Variants in LMAN1L observed in about 807,000 individuals in gnomAD.
The protein encoded by LMAN1L is lectin, mannose binding 1 like, also known as protein ERGIC-53-like.
LMAN1L carries 60 observed loss-of-function variants against 58.3 expected under a neutral mutation model. The observed-to-expected ratio is 1.03, with a 90% CI of 0.84 to 1.27. The LOEUF (loss-of-function observed/expected upper bound fraction) is 1.27, where lower values mean the gene tolerates loss of function less well. Among genes scored for constraint, LMAN1L ranks in the 50% most tolerant of loss-of-function variants. The pLI is 0.00. For missense variants in LMAN1L, 629 were observed against 674.0 expected, an observed-to-expected ratio of 0.93 and a Z score of 0.74; for synonymous variants, 280 against 271.6, an observed-to-expected ratio of 1.03 and a Z score of -0.31.
At chr15:74,816,084 C>T (rs938165423) in intron 1 of LMAN1L, 73 bp from the exon 2 acceptor site, 5 of 1,486,842 alleles carry the variant, frequency 3.4e-6, no homozygotes, top group Non-Finnish European at 4.5e-6. Context: ...GAGCCCAGCC[C>T]GGGCCAAGTG....
At chr15:74,824,577 G>A in intron 13 of LMAN1L, 99 bp downstream of exon 13, 1 of 1,387,678 alleles carries the variant, frequency 7.2e-7, no homozygotes, top group Admixed American at 1.8e-5. Flanking sequence ...CAGCTCAGAG[G>A]GGACCTGCCG....
chr15:74,816,969 G>T (rs1229102055), intron 4 of LMAN1L, among the ~76,000 whole-genome samples: 1 of 152,170 alleles, frequency 6.6e-6, no homozygotes, highest in Non-Finnish European at 1.5e-5. Flanking sequence ...TAAGTGGGGG[G>T]TTATTCGTCC....
rs779561109 is a variant in LMAN1L, at chr15:74,820,777, G to A, written c.907+10G>A. On this transcript the variant is annotated intron_variant, in intron 8 of 13. Coordinates refer to ENST00000309664, the MANE Select transcript of LMAN1L (RefSeq NM_021819.3). Reference sequence around the variant, plus strand: ...GAAGCTCAAGGAGAAGGTAGGGACCGAGAGAGCGGGCAGGTGGCGCCCATC... The same window carrying A: ...GAAGCTCAAGGAGAAGGTAGGGACCAAGAGAGCGGGCAGGTGGCGCCCATC... 3.0e-5 allele frequency: 48 copies of A among 1,606,592 alleles called. 1 individual carries two copies. The highest frequency in any genetic ancestry group is 1.7e-4 in the Middle Eastern group (1 of 6,044).
At chr15:74,815,473 C>T (rs2063886427) in intron 1 of LMAN1L, among the ~76,000 whole-genome samples, 3 of 152,176 alleles carry the variant, frequency 2.0e-5, no homozygotes, top group African/African-American at 7.2e-5. Flanking sequence ...GGGCTCCTTC[C>T]TCCCCGCCCC....
rs1449275492 is a variant in LMAN1L at position 74,821,167 on chromosome 15, G to T, written c.1000G>T (p.Glu334Ter). The T allele has an allele frequency of 1.3e-6, 2 of 1,552,724 alleles. No individual in the cohort carries two copies. The highest frequency in any genetic ancestry group is 2.0e-5 in the Admixed American group (1 of 51,142). Reference sequence around the variant, plus strand: ...TCTCTCCAAGCAGCTGGCCCAGGCTGAGAGACAATGGAAGAAGCAGCTGGG... The same window carrying T: ...TCTCTCCAAGCAGCTGGCCCAGGCTTAGAGACAATGGAAGAAGCAGCTGGG... ...RGLSKQLAQA[E>*]RQWKKQLGPP... The change falls in exon 9 of 14, where the codon GAG (glutamate) becomes TAG (stop). Residue 334 changes from glutamate to a stop codon, truncating the protein, a stop_gained. Coordinates refer to ENST00000309664, the MANE Select transcript of LMAN1L (RefSeq NM_021819.3). LOFTEE classifies it high-confidence loss of function.
At position 74,816,205 on chromosome 15, in the gene LMAN1L, A is replaced by G; in HGVS notation, c.224A>G (p.Asn75Ser). The change falls in exon 2 of 14, where the codon AAC (asparagine) becomes AGC (serine). Residue 75 changes from asparagine to serine, a missense_variant. Physicochemically the swap from Asn to Ser is conservative, Grantham distance 46 (BLOSUM62 1). Around this residue, in one of 3 missense-constraint regions of LMAN1L, gnomAD observed 573 missense variants for 597.3 expected, o/e 0.96. Coordinates refer to ENST00000309664, the MANE Select transcript of LMAN1L (RefSeq NM_021819.3). ...GTGCGGCTGACGCCATCCATGAGGAACCGGAGTGGCGCCGTGTGGAGCAGG... is the reference window on the plus strand; with the variant it reads ...GTGCGGCTGACGCCATCCATGAGGAGCCGGAGTGGCGCCGTGTGGAGCAGG... ...EEVRLTPSMR[N>S]RSGAVWSRAS... The G allele has an allele frequency of 6.4e-7, 1 of 1,566,194 alleles. No individual in the cohort carries two copies. The highest frequency in any genetic ancestry group is 8.7e-7 in the Non-Finnish European group (1 of 1,155,812).
chr15:74,814,124 C>G (rs910602350), intron 1 of LMAN1L, among the ~76,000 whole-genome samples: 1 of 64,114 alleles, frequency 1.6e-5, no homozygotes, highest in Admixed American at 1.6e-4. Context: ...GACTCTGGCT[C>G]AAAAAAAAAA....
In LMAN1L at chr15:74,824,394, G is replaced by T; in HGVS notation, c.1367G>T (p.Arg456Met). 1 of 1,613,988 alleles carries T rather than the reference G, an allele frequency of 6.2e-7. No individual in the cohort carries two copies. The highest frequency in any genetic ancestry group is 8.5e-7 in the Non-Finnish European group (1 of 1,179,850). ...CCCCGCCCACCTGGCCAGCCCCCAAGGGCCTCCTCGTGCCTGCAGCCTGGC... is the reference window on the plus strand; with the variant it reads ...CCCCGCCCACCTGGCCAGCCCCCAATGGCCTCCTCGTGCCTGCAGCCTGGC... ...KAPRPPGQPPRASSCLQPGIF... is the reference protein window; with the variant it reads ...KAPRPPGQPPMASSCLQPGIF... The change falls in exon 13 of 14, where the codon AGG becomes ATG. Residue 456 changes from arginine (R) to methionine (M), a missense_variant. Physicochemically the swap from Arg to Met is moderately conservative, Grantham distance 91. Transcript: ENST00000309664.
chr15:74,819,095 C>A (rs1230389707), intron 5 of LMAN1L, 57 bp from the exon 6 acceptor site: 3 of 1,548,396 alleles, frequency 1.9e-6, no homozygotes, highest in Middle Eastern at 1.7e-4. Context: ...GCCAGGGGAG[C>A]CAGGGAGTCA....
chr15:74,817,025 C>T (rs1254860320), intron 4 of LMAN1L, among the ~76,000 whole-genome samples: 1 of 152,164 alleles, frequency 6.6e-6, no homozygotes, highest in Non-Finnish European at 1.5e-5. Context: ...AAGGGATGTG[C>T]CGTGCGCAGT....
At chr15:74,824,829 A>G (rs569699196) in intron 13 of LMAN1L, 8 of 203,552 alleles carry the variant, frequency 3.9e-5, no homozygotes, top group Non-Finnish European at 5.9e-5. Context: ...GACATTTGAT[A>G]TGGTCATTAA....
intron 4 of LMAN1L, 142 bp downstream of exon 4, chr15:74,816,832 T>G: frequency 2.6e-6 from 2 of 771,854 alleles, no homozygotes; most frequent in Non-Finnish European, 4.1e-6. Context: ...CTCTCTCACT[T>G]AGCCGACGTC....
chr15:74,816,766 T>A (rs2063893348), intron 4 of LMAN1L, 76 bp downstream of exon 4: 1 of 1,397,004 alleles, frequency 7.2e-7, no homozygotes, highest in Admixed American at 2.1e-5. Context: ...TCCGAGCCCC[T>A]GCCCCAGCCT....
chr15:74,813,631 G>T (rs1375523438), intron 1 of LMAN1L, among the ~76,000 whole-genome samples: 2 of 152,228 alleles, frequency 1.3e-5, no homozygotes, highest in African/African-American at 4.8e-5. Flanking sequence ...AAGGGTTTGT[G>T]ATGATGGAAC....
In LMAN1L at chr15:74,825,537, GC is replaced by G; in HGVS notation, c.1514del (p.Ala505AspfsTer11). 4 of 1,613,758 alleles carry G rather than the reference GC, an allele frequency of 2.5e-6. No homozygotes were observed. Among genetic ancestry groups the G allele is most frequent in the Middle Eastern group, 3.3e-4 (2 of 6,056 alleles). ...LSTGSLPLGP[A>X]PHTPRALGIL... ...CACAGGCAGCCTTCCTCTGGGTCCT[GC>G]ACCACACACCCCCAGGGCCCTGGGG... is the stretch of plus-strand genomic sequence containing the variant. On this transcript the variant is annotated frameshift_variant, in exon 14 of 14. Coordinates refer to ENST00000309664, the MANE Select transcript of LMAN1L (RefSeq NM_021819.3). LOFTEE classifies it low-confidence loss of function (END_TRUNC).
intron 4 of LMAN1L, 41 bp downstream of exon 4, chr15:74,816,731 C>T: frequency 6.3e-7 from 1 of 1,590,190 alleles, no homozygotes. Flanking sequence ...TCCATTTTTG[C>T]ACTGGGAGGG....
chr15:74,819,137 C>T lies in LMAN1L; in HGVS notation c.598-15C>T, dbSNP rs760553838. ...GGGACACCCCCCCACTGCTCACTCT[C>T]TCCATGTCCCTCAGATGTCCTTGAA... On this transcript the variant is annotated splice_polypyrimidine_tract_variant and intron_variant, in intron 5 of 13. Transcript: ENST00000309664. 49 of 1,601,440 alleles carry T rather than the reference C, an allele frequency of 3.1e-5. No homozygotes were observed. Among genetic ancestry groups the T allele is most frequent in the Non-Finnish European group, 5.1e-6 (6 of 1,173,020 alleles).
At position 74,813,567 on chromosome 15, in the gene LMAN1L, A is replaced by C. The variant is rs2063875537; in HGVS notation, c.175+538A>C. The C allele has an allele frequency of 2.8e-5, 12 of 421,626 alleles. No homozygotes were observed. The Admixed American group carries it at 3.0e-4, about 11-fold the overall frequency. The allele number at this position is 421,626 out of a possible 1,614,324, so 26.1% of individuals were successfully genotyped here. A position where few individuals can be genotyped will look rare whatever the true frequency, so the allele number is the denominator to read the frequency against. On this transcript the variant is annotated intron_variant, in intron 1 of 13. Transcript: ENST00000309664. ...TTAGCCCATAGGTTTGTATTCAGGG[A>C]CTTCCAAACCCAGACCTACAAAGAG... is the stretch of plus-strand genomic sequence containing the variant.
chr15:74,820,522 G>C, intron 7 of LMAN1L, 113 bp from the exon 8 acceptor site: 1 of 1,391,292 alleles, frequency 7.2e-7, no homozygotes, highest in Non-Finnish European at 1.0e-6. Flanking sequence ...GAAACTGCAG[G>C]GCCAGCTGGC....
Sources: allele counts gnomAD v4.1 joint callset (sites outside exome capture counted in the v4.1 genomes callset), GRCh38; gene constraint gnomAD v4.1.1; regional missense constraint gnomAD v4.1.1; transcripts MANE v1.5; gene names NCBI Gene and HGNC (gene_info 2026-07-23, HGNC 2026-07-21).